Variants in CSMD1 observed in about 807,000 individuals in gnomAD.
CSMD1 encodes CUB and Sushi multiple domains 1, also known as CUB and sushi domain-containing protein 1.
A neutral mutation model predicts 417.5 loss-of-function variants in CSMD1; 213 were observed. The ratio of observed to expected loss-of-function variants is 0.51; its 90% CI spans 0.46 to 0.57. The LOEUF is 0.57. CSMD1 is among the 20% of genes least tolerant of loss of function. CSMD1 has a pLI of 0.00. For synonymous variants in CSMD1, 2,862 were observed against 1,736.8 expected (o/e 1.65, Z -16.11); for missense variants, 6,923 against 4,529.7 (o/e 1.53, Z -15.17).
In CSMD1 at chr8:4,713,776, G is replaced by C. The variant is rs187835441; in HGVS notation, c.86-76218C>G. ...CGGACAGGTAAGTTCTGAGAAGCTT[G>C]GGCTGGAGATCATTCTAGGAGGGTG... On this transcript the variant is annotated intron_variant, in intron 1 of 69. Coordinates refer to ENST00000635120, the MANE Select transcript of CSMD1 (RefSeq NM_033225.6). Among the ~76,000 whole-genome samples the C allele has an allele frequency of 2.9e-3, 449 of 152,254 alleles. 6 individuals carry two copies. The highest frequency in any genetic ancestry group is 6.9e-3 in the Admixed American group (105 of 15,292).
intron 42 of CSMD1, among the ~76,000 whole-genome samples, chr8:3,116,558 T>G (rs1816882737): frequency 6.6e-6 from 1 of 152,098 alleles, no homozygotes; most frequent in African/African-American, 2.4e-5. Flanking sequence ...TCATGCAGAG[T>G]TTAGCTAATT....
At chr8:3,643,700 CAAA>C (rs66500235) in intron 7 of CSMD1, among the ~76,000 whole-genome samples, 34,494 of 84,206 alleles carry the variant, frequency 0.41, 4,910 homozygotes, top group Middle Eastern at 0.57. Flanking sequence ...GACTCCGTCT[CAAA>C]AAAAAAAAAA....
rs571708291 is a variant in CSMD1 at position 4,246,162 on chromosome 8, C to A, written c.415+173791G>T. Among the ~76,000 whole-genome samples the A allele has an allele frequency of 2.0e-5, 3 of 152,154 alleles. No homozygotes were observed. The East Asian group carries it at 5.8e-4, about 29-fold the overall frequency. On this transcript the variant is annotated intron_variant, in intron 3 of 69. Coordinates refer to ENST00000635120, the MANE Select transcript of CSMD1 (RefSeq NM_033225.6). ...CTAGTACCCATTATTTTCCTGATCC[C>A]CTCTTTCTTCCAATATTCCATCCTC... is the stretch of plus-strand genomic sequence containing the variant.
intron 3 of CSMD1, among the ~76,000 whole-genome samples, chr8:4,289,540 T>C (rs1031541193): frequency 6.6e-6 from 1 of 152,222 alleles, no homozygotes; most frequent in African/African-American, 2.4e-5. Context: ...CACTTTCAGA[T>C]CTGACACGTG....
At chr8:4,424,306 G>T (rs962621768) in intron 2 of CSMD1, among the ~76,000 whole-genome samples, 1 of 151,876 alleles carries the variant, frequency 6.6e-6, no homozygotes, top group South Asian at 2.1e-4. Context: ...CAAAAGACAA[G>T]TATCTAGAAT....
chr8:3,480,930 G>A (rs1450386471), intron 11 of CSMD1, among the ~76,000 whole-genome samples: 2 of 151,992 alleles, frequency 1.3e-5, no homozygotes, highest in Non-Finnish European at 2.9e-5. Flanking sequence ...GCCGAGGTGA[G>A]CGGATCACAA....
At chr8:4,783,386 T>C (rs908331147) in intron 1 of CSMD1, among the ~76,000 whole-genome samples, 1 of 152,160 alleles carries the variant, frequency 6.6e-6, no homozygotes, top group Non-Finnish European at 1.5e-5. Flanking sequence ...ACAGTGGCTG[T>C]TCCAGCTGAA....
At chr8:3,825,052 G>T (rs756739653) in intron 5 of CSMD1, among the ~76,000 whole-genome samples, 1 of 152,128 alleles carries the variant, frequency 6.6e-6, no homozygotes, top group African/African-American at 2.4e-5. Flanking sequence ...GGGAGACTTC[G>T]CTGTGATGAG....
intron 3 of CSMD1, among the ~76,000 whole-genome samples, chr8:4,155,973 A>C (rs902249479): frequency 1.6e-4 from 25 of 152,166 alleles, no homozygotes; most frequent in African/African-American, 5.8e-4. Context: ...CAAGTCACCA[A>C]AGTCTGCTGA....
At chr8:4,657,984 G>T (rs557637896) in intron 1 of CSMD1, among the ~76,000 whole-genome samples, 2,981 of 107,606 alleles carry the variant, frequency 0.028, 50 homozygotes, top group Non-Finnish European at 0.04. Flanking sequence ...GTTAAAGCAG[G>T]TAGAAGAAAG....
chr8:4,082,335 T>C, intron 3 of CSMD1, among the ~76,000 whole-genome samples: 1 of 152,286 alleles, frequency 6.6e-6, no homozygotes. Flanking sequence ...CAAACTTTTT[T>C]AAAGTTAAAA....
chr8:4,081,687 A>G (rs555159205), intron 3 of CSMD1, among the ~76,000 whole-genome samples: 5 of 152,232 alleles, frequency 3.3e-5, no homozygotes, highest in Non-Finnish European at 7.3e-5. Context: ...AATGAAGTCC[A>G]AAACATTTAA....
chr8:4,987,034 G>T (rs1811214071), intron 1 of CSMD1, among the ~76,000 whole-genome samples: 1 of 152,222 alleles, frequency 6.6e-6, no homozygotes, highest in South Asian at 2.1e-4. Context: ...CACATATACA[G>T]ATATATCCAT....
intron 1 of CSMD1, among the ~76,000 whole-genome samples, chr8:4,811,383 A>AG (rs1798895622): frequency 6.6e-6 from 1 of 151,962 alleles, no homozygotes; most frequent in Non-Finnish European, 1.5e-5. Flanking sequence ...AACCATTAAA[A>AG]TTAGTTTTTT....
chr8:4,233,625 G>T (rs911405601), intron 3 of CSMD1, among the ~76,000 whole-genome samples: 2 of 152,072 alleles, frequency 1.3e-5, no homozygotes, highest in Admixed American at 1.3e-4. Flanking sequence ...CTTGATCTTG[G>T]ACTGCCCAGA....
chr8:4,133,199 G>C (rs1168462417), intron 3 of CSMD1, among the ~76,000 whole-genome samples: 1 of 152,112 alleles, frequency 6.6e-6, no homozygotes, highest in Admixed American at 6.5e-5. Flanking sequence ...TCCTCCCAAA[G>C]TGCTGGGATT....
At chr8:4,173,758 T>C (rs1289997302) in intron 3 of CSMD1, among the ~76,000 whole-genome samples, 1 of 152,052 alleles carries the variant, frequency 6.6e-6, no homozygotes, top group Non-Finnish European at 1.5e-5. Flanking sequence ...TTATTTTCAA[T>C]ATTAAAAGTA....
At chr8:4,433,363 T>C (rs1043188539) in intron 2 of CSMD1, among the ~76,000 whole-genome samples, 1 of 152,144 alleles carries the variant, frequency 6.6e-6, no homozygotes, top group Admixed American at 6.6e-5. Flanking sequence ...ATACAACTCA[T>C]AATATCATGG....
At chr8:4,127,967 T>C (rs987271487) in intron 3 of CSMD1, among the ~76,000 whole-genome samples, 3 of 152,206 alleles carry the variant, frequency 2.0e-5, no homozygotes, top group Non-Finnish European at 4.4e-5. Flanking sequence ...CCTTGTGATA[T>C]TGGTAAATGC....
Sources: gnomAD v4.1 joint callset for allele counts (sites outside exome capture counted in the v4.1 genomes callset) on GRCh38, gnomAD v4.1.1 for gene constraint, MANE v1.5 for transcripts, NCBI Gene and HGNC (gene_info 2026-07-23, HGNC 2026-07-21) for gene names.